Variants in PTPRN2 observed in about 807,000 individuals in gnomAD.
PTPRN2 encodes the protein receptor-type tyrosine-protein phosphatase N2.
A neutral mutation model predicts 118.8 loss-of-function variants in PTPRN2; 74 were observed. The ratio of observed to expected loss-of-function variants is 0.62; its 90% CI spans 0.52 to 0.76. The LOEUF (loss-of-function observed/expected upper bound fraction) is 0.76, where lower values mean the gene tolerates loss of function less well. Among genes scored for constraint, PTPRN2 ranks in the 30% least tolerant of loss-of-function variants. PTPRN2 has a pLI of 0.00. For synonymous variants in PTPRN2, 641 were observed against 608.0 expected (o/e 1.05, Z -0.80); for missense variants, 1,481 against 1,394.4 (o/e 1.06, Z -0.99).
At chr7:158,411,833 T>G (rs1218786375) in intron 2 of PTPRN2, among the ~76,000 whole-genome samples, 2 of 152,142 alleles carry the variant, frequency 1.3e-5, no homozygotes, top group East Asian at 1.9e-4. Context: ...TGCTTCTCTG[T>G]GGCTCAGGGG....
intron 11 of PTPRN2, among the ~76,000 whole-genome samples, chr7:157,967,204 T>A (rs1802007690): frequency 2.0e-5 from 3 of 152,176 alleles, no homozygotes; most frequent in Admixed American, 2.0e-4. Flanking sequence ...ACACTTACAG[T>A]CCCAGCTACT....
chr7:158,316,776 C>T, intron 3 of PTPRN2, 43 bp downstream of exon 3: 1 of 1,465,464 alleles, frequency 6.8e-7, no homozygotes, highest in Non-Finnish European at 9.2e-7. Context: ...CGTGCGGTCG[C>T]TCAGTGCGGC....
At chr7:157,612,937 C>T (rs77703473) in intron 15 of PTPRN2, among the ~76,000 whole-genome samples, 1,535 of 152,296 alleles carry the variant, frequency 0.01, 31 homozygotes, top group African/African-American at 0.034. Context: ...AAGGCCCCGC[C>T]TCCCCGCCCG....
rs1799761477 is a variant in PTPRN2, at chr7:157,729,238, A to C, written c.1789-46301T>G. Among the ~76,000 whole-genome samples the C allele has an allele frequency of 6.6e-6, 1 of 152,182 alleles. No individual in the cohort carries two copies. Among genetic ancestry groups the C allele is most frequent in the African/African-American group, 2.4e-5 (1 of 41,436 alleles). ...TTGAATCTTCATGTATTTTTAAAAA[A>C]GAATGAATTTAAAACTCTAATCCAC... On this transcript the variant is annotated intron_variant, in intron 12 of 22. Coordinates refer to ENST00000389418, the MANE Select transcript of PTPRN2 (RefSeq NM_002847.5). This position sits in a 1 kb window ranked among gnomAD's most constrained non-coding sequence, Gnocchi z 4.3.
intron 12 of PTPRN2, among the ~76,000 whole-genome samples, chr7:157,716,969 TAGACTCTGAGGGAACACTGCCTGGCCACG>T: frequency 3.7e-5 from 3 of 81,310 alleles, no homozygotes; most frequent in African/African-American, 1.9e-4. Context: ...CCTGGCCACG[TAGACTCTGAGGGAACACTGCCTGGCCACG>T]TAGACTCTGC....
rs567735999 is a variant in PTPRN2 at position 157,878,928 on chromosome 7, G to A, written c.1788+19745C>T. On this transcript the variant is annotated intron_variant, in intron 12 of 22. Coordinates refer to ENST00000389418, the MANE Select transcript of PTPRN2 (RefSeq NM_002847.5). ...CACACTTACTCACCGAGGAGCTCTC[G>A]GATTCCGTGGGGCTTGACGGGTCAG... Among the ~76,000 whole-genome samples, 39 of 123,410 alleles carry A rather than the reference G, an allele frequency of 3.2e-4. No individual in the cohort carries two copies. In the East Asian group the frequency reaches 8.6e-3, roughly 27 times the overall value. 81.0% of individuals were successfully genotyped at this position (123,410 alleles called of 152,430 possible).
chr7:158,475,342 G>C (rs1237727095), intron 2 of PTPRN2, among the ~76,000 whole-genome samples: 1 of 140,390 alleles, frequency 7.1e-6, no homozygotes, highest in African/African-American at 2.7e-5. Context: ...TCTTCCTCCT[G>C]CGAGTGGGAA....
At chr7:158,583,724 C>T (rs943142943) in intron 1 of PTPRN2, among the ~76,000 whole-genome samples, 1 of 152,204 alleles carries the variant, frequency 6.6e-6, no homozygotes, top group African/African-American at 2.4e-5. Flanking sequence ...TTACAACACA[C>T]CCCATTCCTT....
chr7:158,573,736 A>G (rs1403764397), intron 1 of PTPRN2, among the ~76,000 whole-genome samples: 2 of 152,222 alleles, frequency 1.3e-5, no homozygotes, highest in Non-Finnish European at 2.9e-5. Flanking sequence ...CTGAACATAT[A>G]TATTGACATA....
At chr7:157,608,533 G>C (rs186825075) in intron 15 of PTPRN2, among the ~76,000 whole-genome samples, 1 of 152,178 alleles carries the variant, frequency 6.6e-6, no homozygotes. Context: ...TGTGCCTGGC[G>C]AATCTCTATT....
chr7:158,068,428 G>A (rs762018004), intron 11 of PTPRN2, among the ~76,000 whole-genome samples: 1 of 152,222 alleles, frequency 6.6e-6, no homozygotes, highest in African/African-American at 2.4e-5. Context: ...GAGCTGCTGA[G>A]GAGGTGGGTG....
chr7:158,178,567 A>G (rs1362722174), intron 5 of PTPRN2, among the ~76,000 whole-genome samples: 1 of 136,792 alleles, frequency 7.3e-6, no homozygotes, highest in Admixed American at 7.4e-5. Flanking sequence ...TCCATGGTGT[A>G]TATATATACT....
intron 14 of PTPRN2, among the ~76,000 whole-genome samples, chr7:157,644,641 C>T (rs904510693): frequency 6.6e-6 from 1 of 152,008 alleles, no homozygotes; most frequent in South Asian, 2.1e-4. Flanking sequence ...ACTAAAAATA[C>T]AAAATTAGCC....
chr7:158,304,283 G>A (rs1391028320), intron 3 of PTPRN2, among the ~76,000 whole-genome samples: 1 of 151,376 alleles, frequency 6.6e-6, no homozygotes, highest in Non-Finnish European at 1.5e-5. Context: ...ACACTAAGAT[G>A]TACACAGGCT....
Position 157,794,600 on chromosome 7 carries a change from A to G in PTPRN2, c.1788+104073T>C, listed in dbSNP as rs73506277. The stretch of plus-strand genomic sequence containing the variant: ...TTAAATGTGGGGATTTCATTTCTTC[A>G]TCGCCTCTGTGAACACCCACTAAAA... On this transcript the variant is annotated intron_variant, in intron 12 of 22. Transcript: ENST00000389418. The surrounding 1 kb of genome is among the most constrained non-coding windows in gnomAD (Gnocchi z 5.2). 0.021 allele frequency among the ~76,000 whole-genome samples: 3,166 copies of G among 152,278 alleles called. 103 individuals carry two copies. The highest frequency in any genetic ancestry group is 0.07 in the African/African-American group (2,920 of 41,560).
intron 2 of PTPRN2, among the ~76,000 whole-genome samples, chr7:158,456,036 G>C (rs1818458075): frequency 6.6e-6 from 1 of 150,642 alleles, no homozygotes; most frequent in South Asian, 2.1e-4. Flanking sequence ...ATCAGCCACA[G>C]CCCCCCATCG....
At chr7:157,684,540 C>T (rs1269779240) in intron 12 of PTPRN2, among the ~76,000 whole-genome samples, 2 of 151,890 alleles carry the variant, frequency 1.3e-5, no homozygotes, top group Admixed American at 1.3e-4. Context: ...GCCGCCGGGT[C>T]GCCCTTCGCG....
chr7:157,892,326 T>G (rs1796857726), intron 12 of PTPRN2, among the ~76,000 whole-genome samples: 1 of 152,238 alleles, frequency 6.6e-6, no homozygotes, highest in Non-Finnish European at 1.5e-5. Flanking sequence ...TTTTGGTGAT[T>G]ATCACTTTCC....
intron 2 of PTPRN2, among the ~76,000 whole-genome samples, chr7:158,403,556 A>G (rs1183716271): frequency 6.6e-6 from 1 of 151,966 alleles, no homozygotes; most frequent in Non-Finnish European, 1.5e-5. Context: ...GGCCTTTGTT[A>G]CTCCAAGGGC....
Sources: allele counts gnomAD v4.1 joint callset (sites outside exome capture counted in the v4.1 genomes callset), GRCh38; gene constraint gnomAD v4.1.1; non-coding constraint Gnocchi (gnomAD v3.1); transcripts MANE v1.5; gene names NCBI Gene and HGNC (gene_info 2026-07-23, HGNC 2026-07-21).